FBXW8: variants seen among roughly 807,000 people sequenced by gnomAD.
FBXW8 encodes F-box/WD repeat-containing protein 8.
FBXW8 carries 57 observed loss-of-function variants against 65.3 expected under a neutral mutation model. That is an observed-to-expected ratio of 0.87 (90% CI 0.71 to 1.09). The LOEUF (loss-of-function observed/expected upper bound fraction) is 1.09, where lower values mean the gene tolerates loss of function less well. Ranked by LOEUF, FBXW8 falls within the 50% of genes least tolerant of loss-of-function variation. The probability of loss-of-function intolerance (pLI) is 0.00; values close to 1 mark genes in which losing one functional copy is unlikely to be tolerated. For missense variants in FBXW8, 777 were observed against 814.8 expected (o/e 0.95, Z 0.57); for synonymous variants, 308 against 330.2 (o/e 0.93, Z 0.73).
intron 8 of FBXW8, among the ~76,000 whole-genome samples, chr12:117,022,094 C>T (rs1565946040): frequency 6.6e-6 from 1 of 152,156 alleles, no homozygotes; most frequent in Non-Finnish European, 1.5e-5. Context: ...GTTAACTTAG[C>T]CCTGGAGGCA....
At chr12:116,973,885 G>A (rs1256367912) in intron 5 of FBXW8, among the ~76,000 whole-genome samples, 3 of 152,304 alleles carry the variant, frequency 2.0e-5, no homozygotes, top group Middle Eastern at 6.8e-3. Context: ...AAAAAATAAC[G>A]TGTTTTTGAG....
Position 117,028,200 on chromosome 12 carries a change from A to C in FBXW8, c.*28A>C, listed in dbSNP as rs1954285518. 17 of 1,610,118 alleles carry C rather than the reference A, an allele frequency of 1.1e-5. No individual in the cohort carries two copies. Among genetic ancestry groups the C allele is most frequent in the Non-Finnish European group, 1.4e-5 (17 of 1,177,346 alleles). On this transcript the variant is annotated 3_prime_UTR_variant, in exon 11 of 11. Transcript: ENST00000652555. This position sits in a 1 kb window ranked among gnomAD's most constrained non-coding sequence, Gnocchi z 4.1. The stretch of plus-strand genomic sequence containing the variant: ...ATGTGCCTCAGTTGGGAGCAAGGAG[A>C]AAAATGGGAAGAACCAGTTTTATCC...
Position 116,929,865 on chromosome 12 carries a change from G to A in FBXW8, c.423+1738G>A, listed in dbSNP as rs1368242081. On this transcript the variant is annotated intron_variant, in intron 2 of 10. Coordinates refer to ENST00000652555, the MANE Select transcript of FBXW8 (RefSeq NM_153348.3). ...CCTGCCCCGCCAGCCACTGGTAACC[G>A]CCATTCTACTCTCTACTTCTATGAG... Among the ~76,000 whole-genome samples the A allele has an allele frequency of 5.3e-5, 8 of 152,064 alleles. No homozygotes were observed. In the East Asian group the frequency reaches 1.2e-3, roughly 22 times the overall value.
intron 1 of FBXW8, among the ~76,000 whole-genome samples, chr12:116,918,957 T>C (rs1880656527): frequency 7.9e-5 from 12 of 152,026 alleles, no homozygotes; most frequent in Admixed American, 7.9e-4. Context: ...GAACCCTGTA[T>C]ATGCCATGTT....
intron 2 of FBXW8, among the ~76,000 whole-genome samples, chr12:116,929,584 T>A: frequency 6.6e-6 from 1 of 152,318 alleles, no homozygotes; most frequent in Non-Finnish European, 1.5e-5. Context: ...AATGGACAAA[T>A]AAAGTTATAT....
At chr12:116,921,696 CTG>C (rs756360140) in intron 1 of FBXW8, among the ~76,000 whole-genome samples, 1 of 151,838 alleles carries the variant, frequency 6.6e-6, no homozygotes, top group Non-Finnish European at 1.5e-5. Context: ...TTTTCTGTGT[CTG>C]TGAAAATATC....
rs145735897 is a variant in FBXW8 at position 117,030,257 on chromosome 12, G to A, written c.*2085G>A. On this transcript the variant is annotated 3_prime_UTR_variant, in exon 11 of 11. Transcript: ENST00000652555. ...TGCGACTGGGAAGCGTCACCTTCCC[G>A]TCCAGAGCGCTTTCTTTCAGACCCT... The A allele has an allele frequency of 6.3e-4, 96 of 152,304 alleles. No homozygotes were observed. Among genetic ancestry groups the A allele is most frequent in the African/African-American group, 2.2e-3 (90 of 41,562 alleles). 9.4% of individuals were successfully genotyped at this position (152,304 alleles called of 1,614,324 possible).
intron 5 of FBXW8, among the ~76,000 whole-genome samples, chr12:116,970,287 C>T (rs979573351): frequency 6.6e-6 from 1 of 152,212 alleles, no homozygotes; most frequent in African/African-American, 2.4e-5. Flanking sequence ...GAGACGCGAT[C>T]TGGTGCATAT....
chr12:116,995,312 G>C (rs1366763776), intron 7 of FBXW8, among the ~76,000 whole-genome samples: 1 of 152,190 alleles, frequency 6.6e-6, no homozygotes, highest in Non-Finnish European at 1.5e-5. Flanking sequence ...GTAAAATGAG[G>C]AGGGTTGAAC....
intron 7 of FBXW8, chr12:117,003,268 C>T (rs1462608773): frequency 1.3e-5 from 2 of 152,262 alleles, no homozygotes; most frequent in African/African-American, 4.8e-5. Flanking sequence ...TTCATCTGCT[C>T]ATTCTTTCAT....
At chr12:116,994,943 G>A (rs117544759) in intron 7 of FBXW8, among the ~76,000 whole-genome samples, 1 of 152,320 alleles carries the variant, frequency 6.6e-6, no homozygotes, top group East Asian at 1.9e-4. Flanking sequence ...CACAGAAGTT[G>A]TACCTTGGGC....
intron 5 of FBXW8, among the ~76,000 whole-genome samples, chr12:116,968,862 T>C (rs1884482801): frequency 6.6e-6 from 1 of 152,234 alleles, no homozygotes. Context: ...TTTCTTTTTC[T>C]TCTGTTACTG....
chr12:117,027,662 GTAC>G (rs1954266434), intron 10 of FBXW8, among the ~76,000 whole-genome samples, 158 bp downstream of exon 10: 2 of 151,922 alleles, frequency 1.3e-5, no homozygotes, highest in Admixed American at 1.3e-4. Context: ...ATGCTGACCT[GTAC>G]TGAGCACCCA....
At chr12:116,929,712 T>C (rs1174272464) in intron 2 of FBXW8, among the ~76,000 whole-genome samples, 1 of 152,196 alleles carries the variant, frequency 6.6e-6, no homozygotes, top group Non-Finnish European at 1.5e-5. Context: ...ACACTTAAAA[T>C]CTATCTCTTA....
Position 116,945,532 on chromosome 12 carries a change from G to A in FBXW8, c.588+4G>A, listed in dbSNP as rs767397308. On this transcript the variant is annotated splice_donor_region_variant and intron_variant, in intron 3 of 10. Transcript: ENST00000652555. ...CATGTTACGAACCAACTGGAAGGTGGGCAGTGGCCAATATCATTACCTGTG... is the reference window on the plus strand; with the variant it reads ...CATGTTACGAACCAACTGGAAGGTGAGCAGTGGCCAATATCATTACCTGTG... 1 of 1,613,048 alleles carries A rather than the reference G, an allele frequency of 6.2e-7. No homozygotes were observed. The highest frequency in any genetic ancestry group is 1.7e-5 in the Admixed American group (1 of 59,980).
intron 6 of FBXW8, 124 bp downstream of exon 6, chr12:116,985,526 A>G: frequency 1.1e-6 from 1 of 885,462 alleles, no homozygotes; most frequent in Non-Finnish European, 1.7e-6. Flanking sequence ...TTACCTCCAT[A>G]AGTCTAACTA....
chr12:116,925,861 G>T (rs1258861844), intron 1 of FBXW8, among the ~76,000 whole-genome samples: 1 of 152,164 alleles, frequency 6.6e-6, no homozygotes. Context: ...AAGCACAGAT[G>T]CACTTAGCCT....
At chr12:116,982,095 A>T (rs1885342782) in intron 5 of FBXW8, among the ~76,000 whole-genome samples, 1 of 152,228 alleles carries the variant, frequency 6.6e-6, no homozygotes, top group South Asian at 2.1e-4. Context: ...TCCAAAAAAT[A>T]AAAAAGGCAA....
chr12:116,952,459 C>A (rs1281591138), intron 4 of FBXW8, among the ~76,000 whole-genome samples: 1 of 152,106 alleles, frequency 6.6e-6, no homozygotes, highest in African/African-American at 2.4e-5. Flanking sequence ...AGAACATTTT[C>A]ATCAACTGGA....
Sources: allele counts gnomAD v4.1 joint callset (sites outside exome capture counted in the v4.1 genomes callset), GRCh38; gene constraint gnomAD v4.1.1; non-coding constraint Gnocchi (gnomAD v3.1); transcripts MANE v1.5; gene names NCBI Gene and HGNC (gene_info 2026-07-23, HGNC 2026-07-21).